The following C10orf143 variants were observed in gnomAD, a reference collection of about 807,000 sequenced individuals.
The protein encoded by C10orf143 is uncharacterized protein C10orf143.
At chr10:130,078,203 ATT>A (rs937613542) in intron 3 of C10orf143, among the ~76,000 whole-genome samples, 3 of 151,056 alleles carry the variant, frequency 2.0e-5, no homozygotes, top group Non-Finnish European at 4.4e-5. Context: ...CTTGAACTAA[ATT>A]TTTTTTTTCT....
intron 3 of C10orf143, among the ~76,000 whole-genome samples, chr10:130,046,095 G>T (rs1278800085): frequency 6.6e-6 from 1 of 151,220 alleles, no homozygotes; most frequent in Non-Finnish European, 1.5e-5. Context: ...AGGGCATGGG[G>T]ATGGGGCGGG....
At chr10:130,036,026 A>C (rs1222647850) in intron 3 of C10orf143, 1 of 152,178 alleles carries the variant, frequency 6.6e-6, no homozygotes, top group Non-Finnish European at 1.5e-5. Flanking sequence ...TAAGGACACA[A>C]ATTCGATCAT....
At chr10:130,090,401 A>G (rs1375447970) in intron 1 of C10orf143, among the ~76,000 whole-genome samples, 1 of 152,120 alleles carries the variant, frequency 6.6e-6, no homozygotes, top group Non-Finnish European at 1.5e-5. Context: ...TGCTTTTCCC[A>G]TGGTCTTCGC....
intron 1 of C10orf143, among the ~76,000 whole-genome samples, chr10:130,087,077 A>G (rs1261741639): frequency 6.6e-6 from 1 of 152,220 alleles, no homozygotes; most frequent in Non-Finnish European, 1.5e-5. Context: ...ATGACATCTC[A>G]GTGGCACTCA....
intron 1 of C10orf143, chr10:130,108,516 C>T (rs759584966): frequency 2.9e-6 from 2 of 678,772 alleles, no homozygotes; most frequent in South Asian, 1.7e-5. Context: ...ACTGCTGTTA[C>T]TTAAGTGATT....
chr10:130,097,175 A>C (rs1306494725), intron 1 of C10orf143, among the ~76,000 whole-genome samples: 1 of 152,122 alleles, frequency 6.6e-6, no homozygotes, highest in East Asian at 1.9e-4. Context: ...CAATTTTTTA[A>C]AGGGGCAAAA....
At chr10:130,069,868 T>G (rs1861002264) in intron 3 of C10orf143, among the ~76,000 whole-genome samples, 1 of 152,172 alleles carries the variant, frequency 6.6e-6, no homozygotes, top group African/African-American at 2.4e-5. Flanking sequence ...CTTTTTTTTT[T>G]TCTTATCACA....
chr10:130,108,354 G>A lies in C10orf143; in HGVS notation c.69+2350C>T, dbSNP rs777795852. The stretch of plus-strand genomic sequence containing the variant: ...CCCCCAAGACCTGGATTTTTCCCCC[G>A]ACCCCCACATTCTGAAGGTAGAAGT... On this transcript the variant is annotated intron_variant, in intron 1 of 3. Coordinates refer to ENST00000637128, the MANE Select transcript of C10orf143 (RefSeq NM_001355042.2). 1.7e-5 allele frequency: 22 copies of A among 1,292,748 alleles called. No individual in the cohort carries two copies. The East Asian group carries it at 2.5e-4, about 15-fold the overall frequency. The allele number at this position is 1,292,748 out of a possible 1,614,324, so 80.1% of individuals were successfully genotyped here. A position where few individuals can be genotyped will look rare whatever the true frequency, so the allele number is the denominator to read the frequency against.
chr10:130,071,098 T>C (rs556331761), intron 3 of C10orf143, among the ~76,000 whole-genome samples: 2 of 152,228 alleles, frequency 1.3e-5, no homozygotes, highest in Non-Finnish European at 2.9e-5. Flanking sequence ...TTTGTATTTT[T>C]AGTAGAGATG....
chr10:130,078,796 T>C (rs1207496906), intron 3 of C10orf143, among the ~76,000 whole-genome samples: 1 of 152,160 alleles, frequency 6.6e-6, no homozygotes, highest in African/African-American at 2.4e-5. Context: ...CTTTTGCTTA[T>C]CAAAAACAGC....
intron 1 of C10orf143, among the ~76,000 whole-genome samples, chr10:130,096,147 A>G (rs1168572300): frequency 1.3e-5 from 2 of 152,174 alleles, no homozygotes; most frequent in Non-Finnish European, 2.9e-5. Flanking sequence ...ATGAACAGAC[A>G]CCTCTGAAAA....
intron 1 of C10orf143, among the ~76,000 whole-genome samples, chr10:130,101,874 A>AAAAAAAAAAC (rs1564970447): frequency 1.4e-5 from 2 of 141,284 alleles, no homozygotes; most frequent in Admixed American, 7.1e-5. Context: ...CCAAAAAAAA[A>AAAAAAAAAAC]AAAAAAAAAA....
At position 130,079,631 on chromosome 10, in the gene C10orf143, A is replaced by G. The variant is rs1861173217; in HGVS notation, c.235-3T>C. 2.0e-5 allele frequency: 8 copies of G among 398,986 alleles called. No individual in the cohort carries two copies. In the South Asian group the frequency reaches 8.9e-4, roughly 44 times the overall value. The allele number at this position is 398,986 out of a possible 1,614,324, so 24.7% of individuals were successfully genotyped here. A position where few individuals can be genotyped will look rare whatever the true frequency, so the allele number is the denominator to read the frequency against. ...CTCCTTCCACCATTCTGAGAAATCT[A>G]GTTAACAAATCACAGTTGCAGATAT... is the stretch of plus-strand genomic sequence containing the variant. On this transcript the variant is annotated splice_polypyrimidine_tract_variant and splice_region_variant and intron_variant, in intron 2 of 3. Transcript: ENST00000637128.
intron 1 of C10orf143, among the ~76,000 whole-genome samples, chr10:130,085,778 T>TTTA (rs910539143): frequency 9.8e-6 from 1 of 102,096 alleles, no homozygotes; most frequent in African/African-American, 2.9e-5. Context: ...TAACAAGTTT[T>TTTA]TTAAAATGAA....
intron 1 of C10orf143, chr10:130,107,014 T>C: frequency 4.2e-6 from 5 of 1,194,170 alleles, no homozygotes; most frequent in East Asian, 4.6e-5. Context: ...TAAATGCTTC[T>C]TTAAAAACCT....
At chr10:130,100,641 A>G (rs1472906219) in intron 1 of C10orf143, among the ~76,000 whole-genome samples, 3 of 152,224 alleles carry the variant, frequency 2.0e-5, no homozygotes, top group Non-Finnish European at 4.4e-5. Flanking sequence ...ATTTTTTAAA[A>G]GATAAAAATC....
chr10:130,085,728 G>A (rs1861280946), intron 1 of C10orf143, among the ~76,000 whole-genome samples: 1 of 152,040 alleles, frequency 6.6e-6, no homozygotes, highest in South Asian at 2.1e-4. Context: ...TCTATACTAT[G>A]TTTTTGCAAC....
At chr10:130,097,699 T>G (rs1424967380) in intron 1 of C10orf143, among the ~76,000 whole-genome samples, 2 of 152,332 alleles carry the variant, frequency 1.3e-5, no homozygotes, top group South Asian at 2.1e-4. Flanking sequence ...ACGTGTTCTA[T>G]TCACACAATG....
intron 3 of C10orf143, among the ~76,000 whole-genome samples, chr10:130,043,793 C>T (rs35074128): frequency 0.21 from 31,756 of 152,224 alleles, 3,377 homozygotes; most frequent in East Asian, 0.27. Flanking sequence ...ACAAGGGCAC[C>T]GTCCATCCTG....
Sources: gnomAD v4.1 joint callset for allele counts (sites outside exome capture counted in the v4.1 genomes callset) on GRCh38, gnomAD v4.1.1 for gene constraint, MANE v1.5 for transcripts, NCBI Gene and HGNC (gene_info 2026-07-23, HGNC 2026-07-21) for gene names.